The following PRDM8 variants were observed in gnomAD, a reference collection of about 807,000 sequenced individuals.
The protein encoded by PRDM8 is PR domain zinc finger protein 8.
Under a neutral mutation model 46.5 loss-of-function variants are expected in PRDM8, and 13 were observed. That is an observed-to-expected ratio of 0.28 (90% CI 0.18 to 0.44). PRDM8 has a LOEUF of 0.44. PRDM8 is among the 20% of genes least tolerant of loss of function. The pLI, the probability that PRDM8 is intolerant of heterozygous loss-of-function variation, is 1.00. For missense variants in PRDM8, 998 were observed against 955.0 expected (o/e 1.04, Z -0.59); for synonymous variants, 473 against 438.4 (o/e 1.08, Z -0.98).
intron 1 of PRDM8, chr4:80,189,906 G>A (rs886377978): frequency 1.3e-5 from 2 of 152,154 alleles, no homozygotes; most frequent in Admixed American, 6.5e-5. Context: ...ACCATCTCGT[G>A]TCCAAGACTG....
At chr4:80,187,464 C>G (rs1391284694) in intron 1 of PRDM8, among the ~76,000 whole-genome samples, 1 of 152,090 alleles carries the variant, frequency 6.6e-6, no homozygotes, top group African/African-American at 2.4e-5. Context: ...AGGTATGCTT[C>G]TCTACTTTGA....
upstream of PRDM8, chr4:80,197,003 C>T (rs892082302): frequency 2.7e-5 from 27 of 985,308 alleles, no homozygotes; most frequent in Non-Finnish European, 3.1e-5. Flanking sequence ...AGAGAGACGA[C>T]GCCCGTTTAT....
Position 80,202,374 on chromosome 4 carries a change from C to T in PRDM8, c.912C>T (p.Gly304=). 1 of 1,590,680 alleles carries T rather than the reference C, an allele frequency of 6.3e-7. No individual in the cohort carries two copies. The highest frequency in any genetic ancestry group is 8.6e-7 in the Non-Finnish European group (1 of 1,168,642). Residue 304 remains glycine (G), a synonymous_variant, in exon 4 of 4, where the codon GGC becomes GGT. Transcript: ENST00000415738. The part of the protein sequence containing the change: ...GHQEAELSPD[G]IATGGGKGKR... ...AGGAGGCGGAGCTGAGTCCCGACGG[C>T]ATCGCCACGGGCGGCGGCAAAGGAA...
rs1010410175 is a variant in PRDM8, at chr4:80,204,047, T to A, written c.*515T>A. Reference sequence around the variant, plus strand: ...CTGCATTTCTTGATGACAGTTTGTGTTCCTACAAAAATAAACAAAATGAAT... The same window carrying A: ...CTGCATTTCTTGATGACAGTTTGTGATCCTACAAAAATAAACAAAATGAAT... On this transcript the variant is annotated 3_prime_UTR_variant, in exon 4 of 4. Coordinates refer to ENST00000415738, the MANE Select transcript of PRDM8 (RefSeq NM_001099403.2). 2.0e-5 allele frequency: 3 copies of A among 152,766 alleles called. No homozygotes were observed. The highest frequency in any genetic ancestry group is 2.9e-5 in the Non-Finnish European group (2 of 68,138). The allele number at this position is 152,766 out of a possible 1,614,324, so 9.5% of individuals were successfully genotyped here.
chr4:80,192,566 G>C (rs1415033274), upstream of PRDM8, among the ~76,000 whole-genome samples: 1 of 152,158 alleles, frequency 6.6e-6, no homozygotes, highest in Non-Finnish European at 1.5e-5. Flanking sequence ...ATGGAGAACT[G>C]GCTACAACCA....
chr4:80,201,594 C>G, intron 3 of PRDM8, 73 bp downstream of exon 3: 4 of 1,465,850 alleles, frequency 2.7e-6, no homozygotes, highest in Non-Finnish European at 3.8e-6. Flanking sequence ...CAGGGGCTCA[C>G]CCGGCGCGTT....
chr4:80,199,574 G>T (rs1306932941), intron 1 of PRDM8, among the ~76,000 whole-genome samples: 3 of 151,882 alleles, frequency 2.0e-5, no homozygotes, highest in East Asian at 3.9e-4. Flanking sequence ...TGGAAGAAAA[G>T]AAAAAAATCA....
chr4:80,199,458 C>A (rs1018304004), intron 1 of PRDM8, among the ~76,000 whole-genome samples: 10 of 152,134 alleles, frequency 6.6e-5, no homozygotes, highest in Non-Finnish European at 2.9e-5. Context: ...TTGTAGGCTG[C>A]AGAGAAAGGT....
At chr4:80,200,571 A>AT (rs1738365801) in intron 2 of PRDM8, among the ~76,000 whole-genome samples, 2 of 152,256 alleles carry the variant, frequency 1.3e-5, no homozygotes, top group African/African-American at 4.8e-5. Context: ...GGTGATGAAC[A>AT]CGACTTCCTA....
rs1379620266 is a variant in PRDM8, at chr4:80,200,318, T to C, written c.219+19T>C. The C allele has an allele frequency of 1.3e-6, 2 of 1,577,770 alleles. No individual in the cohort carries two copies. Among genetic ancestry groups the C allele is most frequent in the African/African-American group, 1.3e-5 (1 of 74,174 alleles). On this transcript the variant is annotated intron_variant, in intron 2 of 3. Transcript: ENST00000415738. ...CTTTCGGGTAAGTCTCCACTGTAGCTGTGTAGGTGTATGAGGGTAATGTCC... is the reference window on the plus strand; with the variant it reads ...CTTTCGGGTAAGTCTCCACTGTAGCCGTGTAGGTGTATGAGGGTAATGTCC...
Position 80,202,226 on chromosome 4 carries a change from C to T in PRDM8, c.764C>T (p.Ala255Val), listed in dbSNP as rs1738540955. ...NPSAAAGGSSAKPSTDFHNLA... is the reference protein window; with the variant it reads ...NPSAAAGGSSVKPSTDFHNLA... The stretch of plus-strand genomic sequence containing the variant: ...TCCGCTGCCGCCGGCGGCAGCAGCG[C>T]GAAGCCATCCACAGACTTCCACAAC... Residue 255 changes from alanine to valine, a missense_variant, in exon 4 of 4, where the codon GCG (alanine) becomes GTG (valine). By Grantham distance (64) the Ala-to-Val change is moderately conservative. Coordinates refer to ENST00000415738, the MANE Select transcript of PRDM8 (RefSeq NM_001099403.2). 1.9e-6 allele frequency: 3 copies of T among 1,611,822 alleles called. No homozygotes were observed. The highest frequency in any genetic ancestry group is 2.5e-6 in the Non-Finnish European group (3 of 1,179,712).
At chr4:80,196,410 AG>A (rs1737963434), upstream of PRDM8, 1 of 985,398 alleles carries the variant, frequency 1.0e-6, no homozygotes, top group African/African-American at 1.7e-5. Flanking sequence ...GTGGTGTTGC[AG>A]CCCCGTTGAA....
Position 80,201,478 on chromosome 4 carries a change from G to A in PRDM8, c.408G>A (p.Glu136=), listed in dbSNP as rs1738439341. The change falls in exon 3 of 4, where the codon GAG becomes GAA. Residue 136 remains glutamate, a synonymous_variant. Transcript: ENST00000415738. ...TTTGGTACGGGAAAGAACTGACTGA[G>A]TTACTCTTGCTCTGCCCCTCTAGAT... The part of the protein sequence containing the change: ...LLVWYGKELT[E]LLLLCPSRSH... 6.2e-7 allele frequency: 1 copy of A among 1,614,014 alleles called. No homozygotes were observed. The highest frequency in any genetic ancestry group is 1.3e-5 in the African/African-American group (1 of 74,948).
upstream of PRDM8, chr4:80,197,156 C>T (rs1014840390): frequency 5.1e-6 from 5 of 985,528 alleles, no homozygotes; most frequent in Non-Finnish European, 6.0e-6. Context: ...GTGTCCAGCT[C>T]TCTGTCACAG....
In PRDM8 at chr4:80,190,553, C is replaced by T. The variant is rs139429858; in HGVS notation, c.-982-919C>T. Among the ~76,000 whole-genome samples, 3 of 152,356 alleles carry T rather than the reference C, an allele frequency of 2.0e-5. No homozygotes were observed. The East Asian group carries it at 5.8e-4, about 29-fold the overall frequency. On this transcript the variant is annotated intron_variant, in intron 1 of 9. Transcript: ENST00000339711. ...AACGATGTGATCTGTGTCTGCGCCTCCTGATACTGTGGGGGCGTTACTCTC... is the reference window on the plus strand; with the variant it reads ...AACGATGTGATCTGTGTCTGCGCCTTCTGATACTGTGGGGGCGTTACTCTC...
In PRDM8 at chr4:80,203,223, T is replaced by TGCCGCTGCA. The variant is rs1480528424; in HGVS notation, c.1767_1775dup (p.Ala596_Ala598dup). 3 of 1,553,484 alleles carry TGCCGCTGCA rather than the reference T, an allele frequency of 1.9e-6. No individual in the cohort carries two copies. The highest frequency in any genetic ancestry group is 3.9e-5 in the Admixed American group (2 of 51,234). On this transcript the variant is annotated inframe_insertion, in exon 4 of 4. Coordinates refer to ENST00000415738, the MANE Select transcript of PRDM8 (RefSeq NM_001099403.2). ...CCGCCTTCTGGCCCAAGAGCTCCGC[T>TGCCGCTGCA]GCCGCTGCAGCCGCGGCTGCGGCGG... is the stretch of plus-strand genomic sequence containing the variant.
intron 1 of PRDM8, among the ~76,000 whole-genome samples, chr4:80,187,403 A>T (rs1737199525): frequency 6.6e-6 from 1 of 152,160 alleles, no homozygotes; most frequent in African/African-American, 2.4e-5. Flanking sequence ...AAGTCAGAGG[A>T]TGATACTGGT....
intron 2 of PRDM8, chr4:80,191,608 G>A (rs1180269343): frequency 6.6e-6 from 1 of 152,202 alleles, no homozygotes; most frequent in Non-Finnish European, 1.5e-5. Context: ...TGATGTTGCT[G>A]CATTTGTGAC....
intron 1 of PRDM8, among the ~76,000 whole-genome samples, chr4:80,189,180 C>T (rs1466847454): frequency 6.6e-6 from 1 of 152,194 alleles, no homozygotes; most frequent in Non-Finnish European, 1.5e-5. Flanking sequence ...CGGCTTTTGG[C>T]CGCGGCGCTG....
Sources: allele counts gnomAD v4.1 joint callset (sites outside exome capture counted in the v4.1 genomes callset), GRCh38; gene constraint gnomAD v4.1.1; transcripts MANE v1.5; gene names NCBI Gene and HGNC (gene_info 2026-07-23, HGNC 2026-07-21).